TECPR2: variants seen among roughly 807,000 people sequenced by gnomAD.
TECPR2 encodes the protein tectonin beta-propeller repeat-containing protein 2.
In TECPR2, 65 loss-of-function variants were observed where a neutral mutation model predicts 138.1. That is an observed-to-expected ratio of 0.47 (90% CI 0.39 to 0.58). The LOEUF (loss-of-function observed/expected upper bound fraction) is 0.58, where lower values mean the gene tolerates loss of function less well. TECPR2 is among the 20% of genes least tolerant of loss of function. The pLI, the probability that TECPR2 is intolerant of heterozygous loss-of-function variation, is 0.00. For missense variants in TECPR2, 1,553 were observed against 1,824.5 expected (o/e 0.85, Z 2.71); for synonymous variants, 746 against 749.8 (o/e 0.99, Z 0.08).
chr14:102,433,169 C>T (rs980569955), intron 8 of TECPR2, among the ~76,000 whole-genome samples: 1 of 151,490 alleles, frequency 6.6e-6, no homozygotes, highest in Non-Finnish European at 1.5e-5. Context: ...TGGGATTTAA[C>T]ATTGAATTTT....
Position 102,443,545 on chromosome 14 carries a change from A to G in TECPR2, c.2753-102A>G. 6.0e-6 allele frequency: 7 copies of G among 1,167,006 alleles called. No individual in the cohort carries two copies. Among genetic ancestry groups the G allele is most frequent in the Non-Finnish European group, 7.8e-6 (7 of 891,786 alleles). The allele number at this position is 1,167,006 out of a possible 1,614,324, so 72.3% of individuals were successfully genotyped here. On this transcript the variant is annotated intron_variant, in intron 11 of 19. Transcript: ENST00000359520. The surrounding 1 kb of genome is among the most constrained non-coding windows in gnomAD (Gnocchi z 4.9). Reference sequence around the variant, plus strand: ...TAAAGCACTCATCATAAAAGAATATAGCAAAATACCAAAAAAGGAAAAATA... The same window carrying G: ...TAAAGCACTCATCATAAAAGAATATGGCAAAATACCAAAAAAGGAAAAATA...
chr14:102,421,648 A>G (rs1206671219), intron 5 of TECPR2, among the ~76,000 whole-genome samples: 1 of 152,202 alleles, frequency 6.6e-6, no homozygotes, highest in Non-Finnish European at 1.5e-5. Flanking sequence ...GCAGCTCTCA[A>G]CTGTGACCTG....
chr14:102,448,994 G>T (rs1190553), intron 13 of TECPR2, among the ~76,000 whole-genome samples: 44,314 of 152,140 alleles, frequency 0.29, 7,147 homozygotes, highest in Non-Finnish European at 0.35. Flanking sequence ...GGGCATAGTG[G>T]TTCATGCCAG....
At chr14:102,431,552 C>T (rs572510532) in intron 7 of TECPR2, among the ~76,000 whole-genome samples, 5 of 152,070 alleles carry the variant, frequency 3.3e-5, no homozygotes, top group African/African-American at 7.2e-5. Flanking sequence ...CTGTGTTAGC[C>T]AGGATGGTCT....
chr14:102,452,360 A>C, intron 15 of TECPR2, 34 bp from the exon 16 acceptor site: 3 of 1,588,752 alleles, frequency 1.9e-6, no homozygotes, highest in Non-Finnish European at 2.6e-6. Context: ...GGTGCAGACA[A>C]CACCTCGATG....
chr14:102,393,832 T>C (rs1326104774), intron 2 of TECPR2, among the ~76,000 whole-genome samples: 1 of 152,170 alleles, frequency 6.6e-6, no homozygotes, highest in Non-Finnish European at 1.5e-5. Context: ...AGTGCTGGGA[T>C]TATAGGCATG....
chr14:102,413,287 G>A (rs539696172), intron 4 of TECPR2, among the ~76,000 whole-genome samples: 1 of 151,532 alleles, frequency 6.6e-6, no homozygotes, highest in Non-Finnish European at 1.5e-5. Flanking sequence ...TGATGTTACA[G>A]CAGTATTTCT....
At chr14:102,428,527 G>A in intron 7 of TECPR2, 145 bp downstream of exon 7, 2 of 1,250,670 alleles carry the variant, frequency 1.6e-6, no homozygotes, top group South Asian at 2.7e-5. Context: ...TTGGGAGGCT[G>A]AGGTGGGTGG....
chr14:102,476,604 A>C (rs1316561344), intron 17 of TECPR2, among the ~76,000 whole-genome samples: 1 of 152,210 alleles, frequency 6.6e-6, no homozygotes. Flanking sequence ...GACCCCTTCA[A>C]GTGGCCTCAC....
At chr14:102,497,265 G>C (rs1483265675) in intron 18 of TECPR2, 145 bp downstream of exon 18, 2 of 1,360,410 alleles carry the variant, frequency 1.5e-6, no homozygotes, top group Non-Finnish European at 1.9e-6. Context: ...TGGGCCAGGG[G>C]ACAAGCCTCC....
At chr14:102,431,394 G>T (rs1889470295) in intron 7 of TECPR2, among the ~76,000 whole-genome samples, 1 of 144,334 alleles carries the variant, frequency 6.9e-6, no homozygotes, top group East Asian at 2.0e-4. Context: ...CCAGGCTGGA[G>T]TGCAGTGGCG....
At chr14:102,447,239 C>T (rs1290698709) in intron 13 of TECPR2, among the ~76,000 whole-genome samples, 4 of 152,180 alleles carry the variant, frequency 2.6e-5, no homozygotes, top group African/African-American at 9.7e-5. Context: ...ACCTCAGCCT[C>T]CCAAGTAGCT....
At chr14:102,452,174 A>G (rs1890161130) in intron 15 of TECPR2, among the ~76,000 whole-genome samples, 1 of 152,122 alleles carries the variant, frequency 6.6e-6, no homozygotes, top group South Asian at 2.1e-4. Context: ...TTTCTTTCCA[A>G]CATCTCAGGC....
chr14:102,467,245 G>A (rs901413717), intron 17 of TECPR2, among the ~76,000 whole-genome samples: 18 of 150,192 alleles, frequency 1.2e-4, no homozygotes, highest in African/African-American at 4.4e-4. Context: ...ATGTCAAAGT[G>A]TTTTTCACAG....
intron 1 of TECPR2, among the ~76,000 whole-genome samples, chr14:102,372,709 C>G (rs1292284924): frequency 6.6e-6 from 1 of 152,074 alleles, no homozygotes; most frequent in African/African-American, 2.4e-5. Context: ...CACCTGAGAT[C>G]AGGAGTTCAA....
At chr14:102,488,166 T>C (rs1419245163) in intron 17 of TECPR2, among the ~76,000 whole-genome samples, 1 of 151,470 alleles carries the variant, frequency 6.6e-6, no homozygotes, top group Non-Finnish European at 1.5e-5. Context: ...TTATGAAGTT[T>C]TTAATATGAA....
At chr14:102,482,429 G>T (rs1890912049) in intron 17 of TECPR2, among the ~76,000 whole-genome samples, 1 of 152,158 alleles carries the variant, frequency 6.6e-6, no homozygotes, top group African/African-American at 2.4e-5. Context: ...CACACATTAG[G>T]AATGTGTCCT....
intron 11 of TECPR2, among the ~76,000 whole-genome samples, chr14:102,441,462 A>G (rs1387497052): frequency 2.0e-5 from 3 of 149,836 alleles, no homozygotes; most frequent in Admixed American, 6.6e-5. Flanking sequence ...AGATCACCTG[A>G]GGTCAGGAGT....
At chr14:102,413,764 C>G (rs2139701853) in intron 4 of TECPR2, among the ~76,000 whole-genome samples, 1 of 151,988 alleles carries the variant, frequency 6.6e-6, no homozygotes, top group South Asian at 2.1e-4. Context: ...CGTATGCCTT[C>G]TAGAATTTTA....
Sources: allele counts gnomAD v4.1 joint callset (sites outside exome capture counted in the v4.1 genomes callset), GRCh38; gene constraint gnomAD v4.1.1; non-coding constraint Gnocchi (gnomAD v3.1); transcripts MANE v1.5; gene names NCBI Gene and HGNC (gene_info 2026-07-23, HGNC 2026-07-21).